SVEP1: variants seen among roughly 807,000 people sequenced by gnomAD.
SVEP1 encodes the protein sushi, von Willebrand factor type A, EGF and pentraxin domain containing 1, also known as sushi, von Willebrand factor type A, EGF and pentraxin domain-containing protein 1.
SVEP1 carries 164 observed loss-of-function variants against 367.3 expected under a neutral mutation model. The ratio of observed to expected loss-of-function variants is 0.45; its 90% CI spans 0.39 to 0.51. The LOEUF (loss-of-function observed/expected upper bound fraction) is 0.51. Among genes scored for constraint, SVEP1 ranks in the 20% least tolerant of loss-of-function variants. The pLI, the probability that SVEP1 is intolerant of heterozygous loss-of-function variation, is 0.00. For missense variants in SVEP1, 4,117 were observed against 4,425.3 expected (o/e 0.93, Z 1.98); for synonymous variants, 1,666 against 1,611.6 (o/e 1.03, Z -0.81).
chr9:110,386,657 G>A (rs887437108), intron 42 of SVEP1, among the ~76,000 whole-genome samples: 14 of 152,246 alleles, frequency 9.2e-5, no homozygotes, highest in South Asian at 2.1e-4. Context: ...GGGAAACACA[G>A]GAAATGATGA....
intron 1 of SVEP1, among the ~76,000 whole-genome samples, chr9:110,577,165 A>G (rs949266455): frequency 2.0e-5 from 3 of 152,150 alleles, no homozygotes; most frequent in Non-Finnish European, 4.4e-5. Context: ...TTCATATTAA[A>G]TAATAAGTGG....
chr9:110,521,098 C>T (rs550032636), intron 3 of SVEP1, among the ~76,000 whole-genome samples: 1 of 152,294 alleles, frequency 6.6e-6, no homozygotes, highest in South Asian at 2.1e-4. Flanking sequence ...GAATACACTG[C>T]TCTAGAACAG....
At chr9:110,401,069 A>T in intron 39 of SVEP1, 60 bp from the exon 40 acceptor site, 2 of 1,581,098 alleles carry the variant, frequency 1.3e-6, no homozygotes, top group Non-Finnish European at 1.7e-6. Context: ...TGAATGAAGA[A>T]ATTTGCAAAT....
At position 110,406,154 on chromosome 9, in the gene SVEP1, T is replaced by C; in HGVS notation, c.9440+6A>G. 1 of 1,551,716 alleles carries C rather than the reference T, an allele frequency of 6.4e-7. No homozygotes were observed. The highest frequency in any genetic ancestry group is 1.3e-5 in the South Asian group (1 of 79,724). On this transcript the variant is annotated splice_donor_region_variant and intron_variant, in intron 38 of 47. Transcript: ENST00000374469. ...CCCCTTGGAGACCCTAGAGCCATGATCTTACCTGAGTTTCACTTCACTTTC... is the reference window on the plus strand; with the variant it reads ...CCCCTTGGAGACCCTAGAGCCATGACCTTACCTGAGTTTCACTTCACTTTC...
At chr9:110,458,165 A>G (rs377684009) in intron 20 of SVEP1, 12 of 567,132 alleles carry the variant, frequency 2.1e-5, no homozygotes, top group South Asian at 1.9e-4. Flanking sequence ...TCTCTTACTC[A>G]AATGATGGGT....
intron 1 of SVEP1, among the ~76,000 whole-genome samples, chr9:110,568,976 G>A (rs1342040526): frequency 6.8e-6 from 1 of 147,698 alleles, no homozygotes; most frequent in Non-Finnish European, 1.5e-5. Context: ...TTGTGACCCT[G>A]TAGTCCCTGC....
At chr9:110,453,187 A>G (rs1828721686) in intron 22 of SVEP1, among the ~76,000 whole-genome samples, 1 of 152,138 alleles carries the variant, frequency 6.6e-6, no homozygotes, top group Non-Finnish European at 1.5e-5. Flanking sequence ...ATATTAAAAT[A>G]TATATTCAGA....
At chr9:110,398,378 A>G (rs77491701) in intron 40 of SVEP1, among the ~76,000 whole-genome samples, 12,645 of 152,206 alleles carry the variant, frequency 0.083, 819 homozygotes, top group East Asian at 0.34. Flanking sequence ...TAGACCTAAA[A>G]CCATAAAATC....
intron 3 of SVEP1, among the ~76,000 whole-genome samples, chr9:110,522,560 C>T (rs1196790996): frequency 6.6e-6 from 1 of 152,168 alleles, no homozygotes; most frequent in East Asian, 1.9e-4. Context: ...ACAGCTTTTA[C>T]AACTGTATTG....
chr9:110,522,931 T>C (rs975809397), intron 3 of SVEP1, among the ~76,000 whole-genome samples: 1 of 152,182 alleles, frequency 6.6e-6, no homozygotes, highest in Non-Finnish European at 1.5e-5. Flanking sequence ...CCTCCATACA[T>C]AGGTTGCCTT....
intron 40 of SVEP1, among the ~76,000 whole-genome samples, chr9:110,395,299 T>A (rs1260990164): frequency 6.6e-6 from 1 of 152,122 alleles, no homozygotes; most frequent in Non-Finnish European, 1.5e-5. Context: ...GACAAGCAAA[T>A]GCTGAGAGAT....
At chr9:110,508,046 A>G (rs532732242) in intron 5 of SVEP1, among the ~76,000 whole-genome samples, 1 of 152,352 alleles carries the variant, frequency 6.6e-6, no homozygotes, top group Non-Finnish European at 1.5e-5. Context: ...TCACTCAAGA[A>G]TGAACACTTA....
At chr9:110,390,300 CTT>C in intron 40 of SVEP1, among the ~76,000 whole-genome samples, 1 of 98,896 alleles carries the variant, frequency 1.0e-5, no homozygotes, top group African/African-American at 4.0e-5. Context: ...CTTATATATA[CTT>C]ATATAAGTAT....
At chr9:110,388,608 GAGTATGCTGAGATC>G (rs143807561) in intron 41 of SVEP1, among the ~76,000 whole-genome samples, 173 of 152,214 alleles carry the variant, frequency 1.1e-3, no homozygotes, top group African/African-American at 4.0e-3. Flanking sequence ...GCCCAAAGTT[GAGTATGCTGAGATC>G]ACAGATCTTA....
chr9:110,455,606 G>T lies in SVEP1; in HGVS notation c.3771C>A (p.Cys1257Ter). The stretch of plus-strand genomic sequence containing the variant: ...TCCCCTTACCTGTGTAACCTGATGG[G>T]CACTCACAAATGAATTCCCCAACTA... Reference protein sequence around the residue: ...KDLVGEFICECPSGYTGQRCE... With the variant: ...KDLVGEFICE The change falls in exon 22 of 48, where the codon TGC becomes TGA. Residue 1257 changes from cysteine to a stop codon, truncating the protein, a stop_gained. Transcript: ENST00000374469. LOFTEE classifies it high-confidence loss of function. 3.7e-6 allele frequency: 6 copies of T among 1,613,104 alleles called. No individual in the cohort carries two copies. The highest frequency in any genetic ancestry group is 5.1e-6 in the Non-Finnish European group (6 of 1,179,440).
intron 9 of SVEP1, among the ~76,000 whole-genome samples, chr9:110,486,821 T>C (rs1052252805): frequency 1.6e-4 from 24 of 152,136 alleles, no homozygotes; most frequent in African/African-American, 4.6e-4. Context: ...ATTTTTGTAT[T>C]TTTAGTAGAG....
intron 43 of SVEP1, among the ~76,000 whole-genome samples, chr9:110,382,961 G>A (rs1217424687): frequency 6.6e-6 from 1 of 152,124 alleles, no homozygotes; most frequent in Non-Finnish European, 1.5e-5. Context: ...ATCCTGTAAT[G>A]TTTTATCCTG....
intron 37 of SVEP1, among the ~76,000 whole-genome samples, chr9:110,410,722 T>C (rs140679969): frequency 6.6e-6 from 1 of 152,320 alleles, no homozygotes; most frequent in African/African-American, 2.4e-5. Context: ...ATTTCTGTTT[T>C]TCAATAATTA....
intron 36 of SVEP1, among the ~76,000 whole-genome samples, chr9:110,418,547 A>ATAT (rs1209424328): frequency 2.5e-3 from 8 of 3,146 alleles, no homozygotes; most frequent in East Asian, 5.7e-3. Context: ...ACTCTGCAGG[A>ATAT]TATTATCCAG....
Sources: allele counts gnomAD v4.1 joint callset (sites outside exome capture counted in the v4.1 genomes callset), GRCh38; gene constraint gnomAD v4.1.1; transcripts MANE v1.5; gene names NCBI Gene and HGNC (gene_info 2026-07-23, HGNC 2026-07-21).